The following NIPBL variants were observed in gnomAD, a reference collection of about 807,000 sequenced individuals.
The protein encoded by NIPBL is nipped-B-like protein.
NIPBL carries 19 observed loss-of-function variants against 321.8 expected under a neutral mutation model. The observed-to-expected ratio is 0.06, with a 90% CI of 0.04 to 0.09. NIPBL has a LOEUF of 0.09. Ranked by LOEUF, NIPBL falls within the 10% of genes least tolerant of loss-of-function variation. NIPBL has a pLI of 1.00. For synonymous variants in NIPBL, 1,106 were observed against 1,114.1 expected (o/e 0.99, Z 0.14); for missense variants, 2,210 against 3,327.0 (o/e 0.66, Z 8.26).
intron 38 of NIPBL, among the ~76,000 whole-genome samples, chr5:37,047,147 C>T (rs1753064095): frequency 6.6e-6 from 1 of 152,174 alleles, no homozygotes; most frequent in Non-Finnish European, 1.5e-5. Context: ...AATACTACCC[C>T]ATTTTATATC....
At chr5:36,973,512 G>C (rs1444890480) in intron 8 of NIPBL, among the ~76,000 whole-genome samples, 2 of 152,002 alleles carry the variant, frequency 1.3e-5, no homozygotes, top group African/African-American at 2.4e-5. Context: ...CTGTCACCCA[G>C]GCTGGAGTGC....
chr5:36,904,487 T>C (rs140341541), intron 1 of NIPBL, among the ~76,000 whole-genome samples: 2 of 152,212 alleles, frequency 1.3e-5, no homozygotes, highest in East Asian at 3.9e-4. Context: ...AACAAGCAGT[T>C]ATGTATTGCC....
intron 31 of NIPBL, among the ~76,000 whole-genome samples, chr5:37,026,966 T>G (rs866308640): frequency 6.6e-6 from 1 of 152,038 alleles, no homozygotes; most frequent in Non-Finnish European, 1.5e-5. Context: ...TTACATCATC[T>G]TCTACATTTC....
intron 32 of NIPBL, among the ~76,000 whole-genome samples, chr5:37,035,458 T>A (rs565549858): frequency 3.1e-4 from 47 of 152,368 alleles, no homozygotes; most frequent in East Asian, 7.7e-4. Context: ...GTTGTTTTAA[T>A]CATTTATGCA....
At chr5:36,973,749 G>T (rs1306724323) in intron 8 of NIPBL, among the ~76,000 whole-genome samples, 1 of 152,214 alleles carries the variant, frequency 6.6e-6, no homozygotes, top group South Asian at 2.1e-4. Context: ...GATTACAGGC[G>T]TGAGCCACCA....
chr5:36,938,035 AC>A (rs1029017627), intron 1 of NIPBL, among the ~76,000 whole-genome samples: 11 of 151,956 alleles, frequency 7.2e-5, no homozygotes, highest in Admixed American at 4.6e-4. Flanking sequence ...CACACCATTT[AC>A]CCCCTGCTCC....
At chr5:37,008,816 T>G (rs578193966) in intron 20 of NIPBL, 93 bp downstream of exon 20, 2 of 776,502 alleles carry the variant, frequency 2.6e-6, no homozygotes, top group Non-Finnish European at 4.6e-6. Flanking sequence ...TGATTTATAT[T>G]TTAATAATTA....
intron 16 of NIPBL, among the ~76,000 whole-genome samples, chr5:37,005,398 T>C (rs1747313505): frequency 6.6e-6 from 1 of 152,160 alleles, no homozygotes; most frequent in Non-Finnish European, 1.5e-5. Context: ...AATCTAGAGT[T>C]CTGGAGAGCT....
At chr5:37,011,186 A>G (rs771972223) in intron 21 of NIPBL, among the ~76,000 whole-genome samples, 2 of 152,202 alleles carry the variant, frequency 1.3e-5, no homozygotes, top group African/African-American at 2.4e-5. Flanking sequence ...AAGAGAAACA[A>G]ATAATTTTGT....
At chr5:37,024,750 A>G (rs1371407886) in intron 30 of NIPBL, 31 bp downstream of exon 30, 1 of 1,562,638 alleles carries the variant, frequency 6.4e-7, no homozygotes, top group Non-Finnish European at 8.8e-7. Context: ...TTTATTTTTC[A>G]TTAATGTTTA....
At chr5:36,966,847 G>T (rs1401546337) in intron 6 of NIPBL, among the ~76,000 whole-genome samples, 1 of 151,938 alleles carries the variant, frequency 6.6e-6, no homozygotes, top group Non-Finnish European at 1.5e-5. Flanking sequence ...TAAGCTGTTT[G>T]TATTTTTTAA....
intron 42 of NIPBL, among the ~76,000 whole-genome samples, chr5:37,052,814 AAC>A (rs1262246781): frequency 6.6e-6 from 1 of 152,198 alleles, no homozygotes; most frequent in Non-Finnish European, 1.5e-5. Context: ...AAACTTTGAT[AAC>A]AGTTTCTGTA....
rs934141732 is a variant in NIPBL at position 36,985,917 on chromosome 5, C to T, written c.2737C>T (p.Pro913Ser). Residue 913 changes from proline to serine, a missense_variant, in exon 10 of 47, where the codon CCA (proline) becomes TCA (serine). Pro to Ser is a moderately conservative substitution (Grantham distance 74). Transcript: ENST00000282516. ...SRSDKLGFKS[P>S]TSKDDKRTEG... ...ATCTGATAAACTTGGTTTTAAATCA[C>T]CAACTAGTAAAGATGACAAAAGGAC... 11 of 1,613,598 alleles carry T rather than the reference C, an allele frequency of 6.8e-6. No individual in the cohort carries two copies. The highest frequency in any genetic ancestry group is 1.7e-5 in the Admixed American group (1 of 59,862).
chr5:37,026,726 G>A lies in NIPBL; in HGVS notation c.5808+399G>A, dbSNP rs1238200741. ...TTATTATGCATAAGCTATACATTTTGTGTTTTTAATATAAGAAATTTTTGC... is the reference window on the plus strand; with the variant it reads ...TTATTATGCATAAGCTATACATTTTATGTTTTTAATATAAGAAATTTTTGC... On this transcript the variant is annotated intron_variant, in intron 31 of 46. Coordinates refer to ENST00000282516, the MANE Select transcript of NIPBL (RefSeq NM_133433.4). 3.3e-5 allele frequency among the ~76,000 whole-genome samples: 5 copies of A among 152,186 alleles called. No individual in the cohort carries two copies. The East Asian group carries it at 7.7e-4, about 23-fold the overall frequency.
intron 9 of NIPBL, among the ~76,000 whole-genome samples, chr5:36,977,605 T>C (rs1008810110): frequency 6.6e-6 from 1 of 150,878 alleles, no homozygotes; most frequent in Non-Finnish European, 1.5e-5. Context: ...TCTTTGTCTT[T>C]TTTTTTTTTT....
chr5:36,963,527 TGTG>T, intron 6 of NIPBL, among the ~76,000 whole-genome samples: 1 of 151,910 alleles, frequency 6.6e-6, no homozygotes, highest in African/African-American at 2.4e-5. Flanking sequence ...CACAGCCAGG[TGTG>T]GTGGTATGCA....
intron 6 of NIPBL, 145 bp downstream of exon 6, chr5:36,962,419 A>T (rs1361951094): frequency 1.1e-5 from 10 of 877,954 alleles, no homozygotes; most frequent in Non-Finnish European, 1.8e-5. Context: ...ATATGGCTTA[A>T]ATCATTAAAA....
intron 29 of NIPBL, 54 bp from the exon 30 acceptor site, chr5:37,024,531 A>G (rs1018441529): frequency 2.4e-5 from 36 of 1,480,968 alleles, no homozygotes; most frequent in Non-Finnish European, 3.4e-5. Flanking sequence ...TTCTAATTTC[A>G]TACACTAGGC....
chr5:37,020,163 ATGT>A (rs1423448507), intron 25 of NIPBL, among the ~76,000 whole-genome samples: 2 of 152,186 alleles, frequency 1.3e-5, no homozygotes, highest in Non-Finnish European at 2.9e-5. Context: ...CTTTGTCATG[ATGT>A]TGTCCTTGAT....
Sources: allele counts gnomAD v4.1 joint callset (sites outside exome capture counted in the v4.1 genomes callset), GRCh38; gene constraint gnomAD v4.1.1; transcripts MANE v1.5; gene names NCBI Gene and HGNC (gene_info 2026-07-23, HGNC 2026-07-21).